JMJD6: variants seen among roughly 807,000 people sequenced by gnomAD.
JMJD6 encodes jumonji domain containing 6, arginine demethylase and lysine hydroxylase, also known as bifunctional arginine demethylase and lysyl-hydroxylase JMJD6.
Under a neutral mutation model 45.8 loss-of-function variants are expected in JMJD6, and 17 were observed. The ratio of observed to expected loss-of-function variants is 0.37; its 90% confidence interval spans 0.25 to 0.56. JMJD6 has a LOEUF of 0.56. Among genes scored for constraint, JMJD6 ranks in the 20% least tolerant of loss-of-function variants. The pLI is 0.79. For synonymous variants in JMJD6, 221 were observed against 196.3 expected (o/e 1.13, Z -1.05); for missense variants, 470 against 517.5 (o/e 0.91, Z 0.89).
In JMJD6 at chr17:76,718,867, A is replaced by G. The variant is rs371187801; in HGVS notation, c.1081-7T>C. The G allele has an allele frequency of 3.0e-5, 49 of 1,610,922 alleles. No homozygotes were observed. In the African/African-American group the frequency reaches 6.1e-4, roughly 20 times the overall value. On this transcript the variant is annotated splice_polypyrimidine_tract_variant and splice_region_variant and intron_variant, in intron 5 of 5. Transcript: ENST00000397625. ...CCTCGGATCCAGACTCGCACTGGACACAGGAGGACAGAAAACAAGGAGTCA... is the reference window on the plus strand; with the variant it reads ...CCTCGGATCCAGACTCGCACTGGACGCAGGAGGACAGAAAACAAGGAGTCA...
chr17:76,725,045 G>A (rs1372103688), intron 2 of JMJD6, among the ~76,000 whole-genome samples: 1 of 152,090 alleles, frequency 6.6e-6, no homozygotes, highest in Non-Finnish European at 1.5e-5. Flanking sequence ...ATGTACAGCC[G>A]AGGGAGTACT....
chr17:76,720,630 G>C, intron 4 of JMJD6, 132 bp from the exon 5 acceptor site: 1 of 805,600 alleles, frequency 1.2e-6, no homozygotes. Context: ...AATGGATACT[G>C]TACAATGGTG....
intron 4 of JMJD6, chr17:76,721,189 A>C: frequency 3.7e-6 from 1 of 269,486 alleles, no homozygotes; most frequent in South Asian, 3.1e-5. Context: ...TCCAGGGAGA[A>C]CAGAAGCCAC....
Position 76,723,997 on chromosome 17 carries a change from T to C in JMJD6, c.580A>G (p.Ser194Gly). Residue 194 changes from serine (S) to glycine (G), a missense_variant, in exon 3 of 6, where the codon AGT becomes GGT. By Grantham distance (56) the Ser-to-Gly change is moderately conservative. Transcript: ENST00000397625. The stretch of plus-strand genomic sequence containing the variant: ...CCCTGAACTAAGGCATTCCAGGCAC[T>C]GGTTCCCAGAGGGTCGATGTGAATC... ...TGIHIDPLGT[S>G]AWNALVQGHK... 6.2e-7 allele frequency: 1 copy of C among 1,614,184 alleles called. No individual in the cohort carries two copies. Among genetic ancestry groups the C allele is most frequent in the Non-Finnish European group, 8.5e-7 (1 of 1,180,042 alleles).
chr17:76,725,839 G>A lies in JMJD6; in HGVS notation c.146C>T (p.Ala49Val), dbSNP rs367636744. The A allele has an allele frequency of 6.2e-7, 1 of 1,610,890 alleles. No homozygotes were observed. Residue 49 changes from alanine (A) to valine (V), a missense_variant, in exon 2 of 6, where the codon GCA becomes GTA. By Grantham distance (64) the Ala-to-Val change is moderately conservative. Around this residue, in one of 4 missense-constraint regions of JMJD6, gnomAD observed 346 missense variants for 339.5 expected, o/e 1.02. Transcript: ENST00000397625. ...PAAVADNVER[A>V]DALQLSVEEF... is the part of the protein sequence containing the mutation. The stretch of plus-strand genomic sequence containing the variant: ...TTCCACAGACAGCTGTAAAGCATCT[G>A]CCCTTTCCACGTTATCCTGAGGGAA...
intron 1 of JMJD6, 49 bp from the exon 2 acceptor site, chr17:76,725,904 C>T (rs779558593): frequency 7.0e-7 from 1 of 1,430,846 alleles, no homozygotes; most frequent in Admixed American, 2.2e-5. Flanking sequence ...AAAAAAAGTC[C>T]AGTGGCAGAT....
At chr17:76,722,701 C>T (rs1463015215) in intron 3 of JMJD6, among the ~76,000 whole-genome samples, 11 of 151,872 alleles carry the variant, frequency 7.2e-5, no homozygotes, top group Non-Finnish European at 1.5e-5. Flanking sequence ...AAAAAATTAG[C>T]TGGGTGTGGC....
downstream of JMJD6, chr17:76,714,490 T>C (rs2240774): frequency 0.38 from 58,061 of 152,144 alleles, 12,069 homozygotes; most frequent in Middle Eastern, 0.53. Flanking sequence ...CTAGTCTACC[T>C]TGGCCACCCG....
Position 76,725,508 on chromosome 17 carries a change from G to A in JMJD6, c.477C>T (p.Asp159=), listed in dbSNP as rs200613423. The A allele has an allele frequency of 1.4e-3, 2,252 of 1,613,948 alleles. 11 individuals carry two copies. The South Asian group carries it at 0.015, about 11-fold the overall frequency. ...DYKVPKFFTD[D]LFQYAGEKRR... ...GCTTCTCCCCAGCATACTGGAAAAGGTCATCAGTGAAAAACTTTGGCACCT... is the reference window on the plus strand; with the variant it reads ...GCTTCTCCCCAGCATACTGGAAAAGATCATCAGTGAAAAACTTTGGCACCT... Residue 159 remains aspartate (D), a synonymous_variant, in exon 2 of 6, where the codon GAC becomes GAT. Coordinates refer to ENST00000397625, the MANE Select transcript of JMJD6 (RefSeq NM_015167.3).
At chr17:76,719,139 C>G (rs79395878) in intron 5 of JMJD6, among the ~76,000 whole-genome samples, 2 of 152,280 alleles carry the variant, frequency 1.3e-5, no homozygotes, top group Non-Finnish European at 2.9e-5. Context: ...TTGTAAAAAT[C>G]TTTTAGTCAG....
rs765308944 is a variant in JMJD6 at position 76,721,895 on chromosome 17, T to G, written c.844A>C (p.Ile282Leu). Residue 282 changes from isoleucine (I) to leucine (L), a missense_variant, in exon 4 of 6, where the codon ATC becomes CTC. By Grantham distance (5) the Ile-to-Leu change is conservative. This residue lies in a region of JMJD6 where 58 missense variants were observed against 103.9 expected (regional missense o/e 0.56). Transcript: ENST00000397625. ...CTGGCAAAATTTTGGGTGATGGCGA[T>G]AGTAGTGTCGAGATTGAGGACAACA... ...WHVVLNLDTT[I>L]AITQNFASST... 11 of 1,614,150 alleles carry G rather than the reference T, an allele frequency of 6.8e-6. No homozygotes were observed. The highest frequency in any genetic ancestry group is 9.3e-6 in the Non-Finnish European group (11 of 1,180,018).
intron 4 of JMJD6, 84 bp from the exon 5 acceptor site, chr17:76,720,582 C>T: frequency 7.2e-7 from 1 of 1,386,288 alleles, no homozygotes; most frequent in South Asian, 1.2e-5. Context: ...GCCTGTGTCT[C>T]TCAGAAACAC....
chr17:76,724,170 G>T, intron 2 of JMJD6, 112 bp from the exon 3 acceptor site: 1 of 1,168,934 alleles, frequency 8.6e-7, no homozygotes, highest in Non-Finnish European at 1.2e-6. Flanking sequence ...ACCCAGGCTG[G>T]AATGCAGTGG....
chr17:76,726,262 G>A lies in JMJD6; in HGVS notation c.129+85C>T, dbSNP rs1025206751. ...CTACGAGGTCCCGGGCGCTCGGGGC[G>A]AGGGCAGCCTCGGGCCCAGAGAAAG... On this transcript the variant is annotated intron_variant, in intron 1 of 5. Coordinates refer to ENST00000397625, the MANE Select transcript of JMJD6 (RefSeq NM_015167.3). 1.2e-5 allele frequency: 18 copies of A among 1,459,712 alleles called. No individual in the cohort carries two copies. In the Admixed American group the frequency reaches 3.8e-4, roughly 31 times the overall value. The allele number at this position is 1,459,712 out of a possible 1,614,324, so 90.4% of individuals were successfully genotyped here. A position where few individuals can be genotyped will look rare whatever the true frequency, so the allele number is the denominator to read the frequency against.
At position 76,721,889 on chromosome 17, in the gene JMJD6, T is replaced by G. The variant is rs758964298; in HGVS notation, c.850A>C (p.Ile284Leu). The change falls in exon 4 of 6, where the codon ATC becomes CTC. Residue 284 changes from isoleucine (I) to leucine (L), a missense_variant. Ile to Leu is a conservative substitution (Grantham distance 5, BLOSUM62 2). Around this residue, in one of 4 missense-constraint regions of JMJD6, gnomAD observed 58 missense variants for 103.9 expected, o/e 0.56. Transcript: ENST00000397625. ...GTGCTGCTGGCAAAATTTTGGGTGA[T>G]GGCGATAGTAGTGTCGAGATTGAGG... The part of the protein sequence containing the change: ...VVLNLDTTIA[I>L]TQNFASSTNF... The G allele has an allele frequency of 1.3e-5, 21 of 1,614,098 alleles. No homozygotes were observed. The highest frequency in any genetic ancestry group is 1.6e-5 in the Non-Finnish European group (19 of 1,180,050).
At chr17:76,724,579 G>C (rs2076875223) in intron 2 of JMJD6, among the ~76,000 whole-genome samples, 1 of 152,072 alleles carries the variant, frequency 6.6e-6, no homozygotes, top group South Asian at 2.1e-4. Flanking sequence ...CACTTTGGGA[G>C]GCAGAGGTGG....
chr17:76,716,591 A>G, downstream of JMJD6: 1 of 1,134,530 alleles, frequency 8.8e-7, no homozygotes, highest in African/African-American at 1.5e-5. Flanking sequence ...CAAAGAAGAC[A>G]GAGGAGAAGG....
At chr17:76,715,887 C>T (rs757683256), downstream of JMJD6, 8 of 152,206 alleles carry the variant, frequency 5.3e-5, no homozygotes, top group Non-Finnish European at 1.2e-4. Flanking sequence ...CACAAGTCAC[C>T]CACTTAACGT....
chr17:76,726,226 C>A, intron 1 of JMJD6, 121 bp downstream of exon 1: 2 of 1,301,064 alleles, frequency 1.5e-6, no homozygotes, highest in African/African-American at 1.6e-5. Context: ...CCGCGGGGTG[C>A]GGGTGAGCCT....
Sources: allele counts gnomAD v4.1 joint callset (sites outside exome capture counted in the v4.1 genomes callset), GRCh38; gene constraint gnomAD v4.1.1; regional missense constraint gnomAD v4.1.1; transcripts MANE v1.5; gene names NCBI Gene and HGNC (gene_info 2026-07-23, HGNC 2026-07-21).